ARHGAP6: variants seen among roughly 807,000 people sequenced by gnomAD.
ARHGAP6 encodes the protein rho GTPase-activating protein 6.
ARHGAP6 carries 16 observed loss-of-function variants against 55.7 expected under a neutral mutation model. The observed-to-expected ratio is 0.29, with a 90% CI of 0.19 to 0.44. The LOEUF (loss-of-function observed/expected upper bound fraction) is 0.44, where lower values mean the gene tolerates loss of function less well. ARHGAP6 is among the 20% of genes least tolerant of loss of function. The pLI is 1.00. For synonymous variants in ARHGAP6, 382 were observed against 360.9 expected, an observed-to-expected ratio of 1.06 and a Z score of -0.66; for missense variants, 698 against 808.9, an observed-to-expected ratio of 0.86 and a Z score of 1.66.
At chrX:11,298,901 C>T (rs2048131155) in intron 1 of ARHGAP6, 2 of 1,209,161 alleles carry the variant, frequency 1.7e-6, no homozygotes, top group Admixed American at 2.2e-5. Flanking sequence ...CCATGCAGCC[C>T]CTGCCTCCCA....
At chrX:11,279,298 ATTAT>A (rs1362270020) in intron 1 of ARHGAP6, among the ~76,000 whole-genome samples, 5 of 112,359 alleles carry the variant, frequency 4.5e-5, no homozygotes, top group Middle Eastern at 9.3e-3. Flanking sequence ...AATATATTTT[ATTAT>A]TTAAGATAAA....
chrX:11,570,256 T>A (rs1203054554), intron 1 of ARHGAP6, among the ~76,000 whole-genome samples: 1 of 111,976 alleles, frequency 8.9e-6, no homozygotes, highest in Admixed American at 9.5e-5. Context: ...TTACATTTAC[T>A]AATCTACAGC....
chrX:11,583,070 C>A (rs1187023866), intron 1 of ARHGAP6, among the ~76,000 whole-genome samples: 1 of 111,446 alleles, frequency 9.0e-6, no homozygotes, highest in African/African-American at 3.3e-5. Context: ...TTAAATAGTC[C>A]CATTTTTAAA....
intron 1 of ARHGAP6, among the ~76,000 whole-genome samples, chrX:11,576,546 G>T (rs2051600973): frequency 9.0e-6 from 1 of 111,530 alleles, no homozygotes; most frequent in Admixed American, 9.6e-5. Context: ...ATATAAAAGG[G>T]CACAATAACT....
intron 1 of ARHGAP6, among the ~76,000 whole-genome samples, chrX:11,311,447 G>A (rs1404932854): frequency 3.6e-5 from 4 of 111,656 alleles, no homozygotes; most frequent in Non-Finnish European, 3.8e-5. Flanking sequence ...GGTTTAGTTC[G>A]ATCAGTGCAT....
At chrX:11,633,990 G>A (rs1443902407) in intron 1 of ARHGAP6, among the ~76,000 whole-genome samples, 1 of 111,093 alleles carries the variant, frequency 9.0e-6, no homozygotes, top group African/African-American at 3.3e-5. Flanking sequence ...AACAAATAAG[G>A]AGCACTTGAT....
intron 1 of ARHGAP6, among the ~76,000 whole-genome samples, chrX:11,508,808 T>C (rs763270223): frequency 2.8e-5 from 3 of 109,071 alleles, no homozygotes; most frequent in African/African-American, 6.7e-5. Flanking sequence ...CTTCAAATGC[T>C]GATGAAATTC....
intron 2 of ARHGAP6, among the ~76,000 whole-genome samples, chrX:11,219,155 G>A (rs1264647244): frequency 2.0e-5 from 2 of 98,449 alleles, no homozygotes; most frequent in Non-Finnish European, 4.1e-5. Flanking sequence ...TTTTGTTCTT[G>A]TGATAGTTTA....
chrX:11,302,007 A>C (rs969262273), intron 1 of ARHGAP6, among the ~76,000 whole-genome samples: 1 of 112,401 alleles, frequency 8.9e-6, no homozygotes, highest in Non-Finnish European at 1.9e-5. Context: ...GTAGTGTGAT[A>C]ATACAGAGGA....
At chrX:11,314,417 G>T (rs190713896) in intron 1 of ARHGAP6, among the ~76,000 whole-genome samples, 2 of 112,080 alleles carry the variant, frequency 1.8e-5, no homozygotes, top group Admixed American at 1.9e-4. Flanking sequence ...AAACTCTTAT[G>T]CAAAATAAAA....
chrX:11,575,437 C>T (rs1227728537), intron 1 of ARHGAP6, among the ~76,000 whole-genome samples: 1 of 111,776 alleles, frequency 8.9e-6, no homozygotes, highest in East Asian at 2.8e-4. Flanking sequence ...GAGGTGCTGC[C>T]ATAACCAAGA....
chrX:11,184,651 C>T (rs1050297664), intron 5 of ARHGAP6, among the ~76,000 whole-genome samples: 4 of 112,564 alleles, frequency 3.6e-5, no homozygotes, highest in Admixed American at 9.4e-5. Flanking sequence ...ATTCAGTTCA[C>T]TCAGAGTCTA....
In ARHGAP6 at chrX:11,590,869, G is replaced by GAAAAGAAAAGAAGGAAAGAAAGAAA. The variant is rs2051813205; in HGVS notation, c.588+73371_588+73372insTTTCTTTCTTTCCTTCTTTTCTTTT. Among the ~76,000 whole-genome samples the GAAAAGAAAAGAAGGAAAGAAAGAAA allele has an allele frequency of 2.9e-4, 7 of 24,219 alleles. 2 individuals carry two copies. Among genetic ancestry groups the GAAAAGAAAAGAAGGAAAGAAAGAAA allele is most frequent in the Admixed American group, 1.7e-3 (3 of 1,723 alleles). 21.0% of individuals were successfully genotyped at this position (24,219 alleles called of 115,157 possible). On this transcript the variant is annotated intron_variant, in intron 1 of 12. Coordinates refer to ENST00000337414, the MANE Select transcript of ARHGAP6 (RefSeq NM_013427.3). ...AAGAAAAGAAAAGAAAAGAAAAGAA[G>GAAAAGAAAAGAAGGAAAGAAAGAAA]GAAAGAAAGAAAGAAAGAAAGAAAG...
At chrX:11,506,317 T>C (rs1221041241) in intron 1 of ARHGAP6, among the ~76,000 whole-genome samples, 1 of 111,207 alleles carries the variant, frequency 9.0e-6, no homozygotes, top group Non-Finnish European at 1.9e-5. Context: ...GGTATACACG[T>C]ACCATGGTGG....
At chrX:11,225,819 G>A in intron 2 of ARHGAP6, 1 of 302,131 alleles carries the variant, frequency 3.3e-6, no homozygotes, top group Non-Finnish European at 6.0e-6. Context: ...AAAAATAGAA[G>A]ACAGTCTGCT....
At position 11,344,036 on chromosome X, in the gene ARHGAP6, A is replaced by G. The variant is rs2048739422; in HGVS notation, c.589-89329T>C. 3.6e-5 allele frequency among the ~76,000 whole-genome samples: 4 copies of G among 111,969 alleles called. No individual in the cohort carries two copies. In the South Asian group the frequency reaches 1.5e-3, roughly 42 times the overall value. On this transcript the variant is annotated intron_variant, in intron 1 of 12. Coordinates refer to ENST00000337414, the MANE Select transcript of ARHGAP6 (RefSeq NM_013427.3). ...TAAAATATATTTTATTAGCAGCAAT[A>G]ATAAGAGGATGACTAATTTGAATAA...
intron 1 of ARHGAP6, among the ~76,000 whole-genome samples, chrX:11,418,566 A>C (rs1216962383): frequency 8.9e-6 from 1 of 112,372 alleles, no homozygotes; most frequent in Non-Finnish European, 1.9e-5. Flanking sequence ...TAATACATTT[A>C]CATATTTTGA....
intron 9 of ARHGAP6, among the ~76,000 whole-genome samples, chrX:11,164,412 A>G (rs2045989733): frequency 8.9e-6 from 1 of 112,286 alleles, no homozygotes; most frequent in Non-Finnish European, 1.9e-5. Context: ...AATGGAAATC[A>G]TATATAATTA....
intron 1 of ARHGAP6, among the ~76,000 whole-genome samples, chrX:11,399,354 CAA>C (rs56197001): frequency 0.027 from 954 of 35,309 alleles, 11 homozygotes; most frequent in African/African-American, 0.075. Context: ...AATAAGCAAT[CAA>C]AAAAAAAAAA....
Sources: allele counts gnomAD v4.1 joint callset (sites outside exome capture counted in the v4.1 genomes callset), GRCh38; gene constraint gnomAD v4.1.1; transcripts MANE v1.5; gene names NCBI Gene and HGNC (gene_info 2026-07-23, HGNC 2026-07-21).